RBFOX1: variants seen among roughly 807,000 people sequenced by gnomAD.
RBFOX1 encodes the protein RNA binding protein fox-1 homolog 1.
A neutral mutation model predicts 57.7 loss-of-function variants in RBFOX1; 8 were observed. That is an observed-to-expected ratio of 0.14 (90% CI 0.08 to 0.25). The LOEUF is 0.25. Ranked by LOEUF, RBFOX1 falls within the 10% of genes least tolerant of loss-of-function variation. The pLI is 1.00. For synonymous variants in RBFOX1, 326 were observed against 222.4 expected (o/e 1.47, Z -4.15); for missense variants, 611 against 548.5 (o/e 1.11, Z -1.14).
chr16:6,901,394 G>T (rs76594592), intron 3 of RBFOX1, among the ~76,000 whole-genome samples: 1 of 152,108 alleles, frequency 6.6e-6, no homozygotes, highest in African/African-American at 2.4e-5. Context: ...TGAACAGGAC[G>T]TTCCTACTAC....
At chr16:7,625,623 A>G (rs2059964519) in intron 10 of RBFOX1, among the ~76,000 whole-genome samples, 1 of 151,358 alleles carries the variant, frequency 6.6e-6, no homozygotes, top group African/African-American at 2.4e-5. Flanking sequence ...CTAATTGGCC[A>G]CTCCCAGTTG....
chr16:6,666,391 C>T (rs936060251), intron 3 of RBFOX1, among the ~76,000 whole-genome samples: 1 of 152,010 alleles, frequency 6.6e-6, no homozygotes, highest in East Asian at 1.9e-4. Context: ...AAAATGTATC[C>T]AGGTGTGGTG....
chr16:6,421,844 C>A (rs200764275), intron 2 of RBFOX1, among the ~76,000 whole-genome samples: 3 of 148,148 alleles, frequency 2.0e-5, no homozygotes, highest in Admixed American at 1.3e-4. Flanking sequence ...AGACCTCCCC[C>A]CTCCTCAGTC....
chr16:7,325,238 G>C (rs1300186666), intron 4 of RBFOX1, among the ~76,000 whole-genome samples: 1 of 152,086 alleles, frequency 6.6e-6, no homozygotes, highest in Non-Finnish European at 1.5e-5. Flanking sequence ...TTAAATCTCT[G>C]GACCACTCCA....
intron 3 of RBFOX1, among the ~76,000 whole-genome samples, chr16:5,719,778 A>C (rs1436169488): frequency 6.6e-6 from 1 of 152,140 alleles, no homozygotes; most frequent in African/African-American, 2.4e-5. Context: ...CATTGTATGG[A>C]TAGACCCCAT....
intron 3 of RBFOX1, among the ~76,000 whole-genome samples, chr16:5,706,094 A>G (rs1216412707): frequency 6.6e-6 from 1 of 152,176 alleles, no homozygotes; most frequent in Non-Finnish European, 1.5e-5. Flanking sequence ...TATTTTTAGT[A>G]GAGATGGGGT....
At chr16:6,727,050 A>AACAC (rs71408406) in intron 3 of RBFOX1, among the ~76,000 whole-genome samples, 2,527 of 135,862 alleles carry the variant, frequency 0.019, 48 homozygotes, top group Middle Eastern at 0.03. Flanking sequence ...ATTTGGACTG[A>AACAC]ACACACACAC....
intron 3 of RBFOX1, among the ~76,000 whole-genome samples, chr16:6,657,517 T>C (rs1427689948): frequency 1.3e-5 from 2 of 152,204 alleles, no homozygotes; most frequent in South Asian, 2.1e-4. Flanking sequence ...GCCAGAGTGA[T>C]TGCCGTCAGG....
intron 1 of RBFOX1, among the ~76,000 whole-genome samples, chr16:5,443,488 C>T (rs1385505018): frequency 6.6e-6 from 1 of 152,166 alleles, no homozygotes; most frequent in Non-Finnish European, 1.5e-5. Context: ...CAGGCACACG[C>T]CACCACGCCC....
chr16:7,526,031 G>A (rs1442341016), intron 5 of RBFOX1, among the ~76,000 whole-genome samples: 1 of 151,730 alleles, frequency 6.6e-6, no homozygotes, highest in South Asian at 2.1e-4. Context: ...AGTGGTGGAT[G>A]AGTGAGCATT....
intron 1 of RBFOX1, among the ~76,000 whole-genome samples, chr16:5,436,610 G>C (rs897922454): frequency 6.6e-6 from 1 of 152,134 alleles, no homozygotes; most frequent in African/African-American, 2.4e-5. Flanking sequence ...GGAGGCTGAG[G>C]GTGGGTCACT....
chr16:5,240,171 G>C (rs2062128488), intron 1 of RBFOX1: 2 of 1,116,642 alleles, frequency 1.8e-6, no homozygotes, highest in Non-Finnish European at 2.6e-6. Flanking sequence ...ACGCGGGGTA[G>C]GGGCTGCGGG....
At chr16:5,277,822 A>T (rs2063178738) in intron 1 of RBFOX1, among the ~76,000 whole-genome samples, 3 of 152,226 alleles carry the variant, frequency 2.0e-5, no homozygotes. Context: ...GCTGAAAATG[A>T]CAGGATTTCA....
At chr16:7,115,577 GC>G (rs2065722431) in intron 4 of RBFOX1, among the ~76,000 whole-genome samples, 1 of 152,148 alleles carries the variant, frequency 6.6e-6, no homozygotes, top group South Asian at 2.1e-4. Context: ...CTGTTAGCAG[GC>G]TGGAAGTTTG....
At chr16:5,843,372 T>G (rs575112137) in intron 3 of RBFOX1, among the ~76,000 whole-genome samples, 1 of 152,208 alleles carries the variant, frequency 6.6e-6, no homozygotes, top group South Asian at 2.1e-4. Context: ...CTCCTACTTA[T>G]GAGGATATGA....
In RBFOX1 at chr16:7,460,369, A is replaced by AT. The variant is rs1173896230; in HGVS notation, c.28-57778_28-57777insT. 2.9e-3 allele frequency among the ~76,000 whole-genome samples: 241 copies of AT among 84,028 alleles called. 1 individual carries two copies. The highest frequency in any genetic ancestry group is 5.3e-3 in the Middle Eastern group (1 of 188). 55.1% of individuals were successfully genotyped at this position (84,028 alleles called of 152,430 possible). A position where few individuals can be genotyped will look rare whatever the true frequency, so the allele number is the denominator to read the frequency against. On this transcript the variant is annotated intron_variant, in intron 4 of 15. Coordinates refer to ENST00000550418, the MANE Select transcript of RBFOX1 (RefSeq NM_018723.4). ...TATGATTTGCCTTAATCATTTAGCAAAATATATATATATATATATATGTGT... is the reference window on the plus strand; with the variant it reads ...TATGATTTGCCTTAATCATTTAGCAATAATATATATATATATATATATGTGT...
chr16:7,006,341 G>C (rs1017620644), intron 3 of RBFOX1, among the ~76,000 whole-genome samples: 3 of 152,008 alleles, frequency 2.0e-5, no homozygotes, highest in African/African-American at 4.8e-5. Context: ...TTTTAGTAGG[G>C]ACGGGGTTTT....
At chr16:6,093,521 G>A (rs1407204044) in intron 1 of RBFOX1, among the ~76,000 whole-genome samples, 1 of 152,190 alleles carries the variant, frequency 6.6e-6, no homozygotes, top group African/African-American at 2.4e-5. Context: ...GTTAAGGATA[G>A]TGATCACATG....
chr16:7,661,349 C>G (rs180853888), intron 12 of RBFOX1, among the ~76,000 whole-genome samples: 39 of 152,292 alleles, frequency 2.6e-4, no homozygotes, highest in Non-Finnish European at 5.3e-4. Context: ...GACCCTAATG[C>G]TTATACGTTT....
Sources: gnomAD v4.1 joint callset for allele counts (sites outside exome capture counted in the v4.1 genomes callset) on GRCh38, gnomAD v4.1.1 for gene constraint, MANE v1.5 for transcripts, NCBI Gene and HGNC (gene_info 2026-07-23, HGNC 2026-07-21) for gene names.